The following CAMK2D variants were observed in gnomAD, a reference collection of about 807,000 sequenced individuals.
CAMK2D encodes calcium/calmodulin-dependent protein kinase type II subunit delta.
CAMK2D carries 37 observed loss-of-function variants against 84.0 expected under a neutral mutation model. That is an observed-to-expected ratio of 0.44 (90% CI 0.34 to 0.58). The LOEUF (loss-of-function observed/expected upper bound fraction) is 0.58. Ranked by LOEUF, CAMK2D falls within the 20% of genes least tolerant of loss-of-function variation. The pLI, the probability that CAMK2D is intolerant of heterozygous loss-of-function variation, is 0.02. For missense variants in CAMK2D, 448 were observed against 652.5 expected (o/e 0.69, Z 3.41); for synonymous variants, 202 against 212.5 (o/e 0.95, Z 0.43).
rs575125943 is a variant in CAMK2D, at chr4:113,451,459, C to T, written c.*3086G>A. 4 of 152,282 alleles carry T rather than the reference C, an allele frequency of 2.6e-5. No individual in the cohort carries two copies. In the East Asian group the frequency reaches 7.7e-4, roughly 29 times the overall value. The allele number at this position is 152,282 out of a possible 1,614,324, so 9.4% of individuals were successfully genotyped here. On this transcript the variant is annotated 3_prime_UTR_variant, in exon 21 of 21. Coordinates refer to ENST00000511664, the MANE Select transcript of CAMK2D (RefSeq NM_001321571.2). ...GTCACTCTGTACCCATTAATCCTCA[C>T]AATATCTTTATTAAGTTGGTATGTT...
intron 3 of CAMK2D, among the ~76,000 whole-genome samples, chr4:113,618,980 T>C (rs1199669420): frequency 1.3e-5 from 2 of 152,192 alleles, no homozygotes; most frequent in African/African-American, 4.8e-5. Context: ...TCAAGGAAGT[T>C]ATAATGAATG....
chr4:113,487,821 A>G (rs557464749), intron 16 of CAMK2D, among the ~76,000 whole-genome samples: 1 of 152,072 alleles, frequency 6.6e-6, no homozygotes, highest in South Asian at 2.1e-4. Flanking sequence ...TTAACATCTA[A>G]TTGTTTTATA....
chr4:113,526,137 C>A (rs1485185279), intron 8 of CAMK2D, among the ~76,000 whole-genome samples: 1 of 152,114 alleles, frequency 6.6e-6, no homozygotes, highest in East Asian at 1.9e-4. Flanking sequence ...GGAGTCATTT[C>A]CCCTCAACAT....
intron 4 of CAMK2D, among the ~76,000 whole-genome samples, chr4:113,584,843 G>A (rs1591554556): frequency 6.6e-6 from 1 of 152,060 alleles, no homozygotes; most frequent in Non-Finnish European, 1.5e-5. Context: ...TATTAATGAT[G>A]CCTATCTTTT....
At chr4:113,687,193 T>C (rs2099362511) in intron 2 of CAMK2D, among the ~76,000 whole-genome samples, 1 of 152,192 alleles carries the variant, frequency 6.6e-6, no homozygotes, top group Non-Finnish European at 1.5e-5. Flanking sequence ...TCAACAGTCC[T>C]CATGTTAGAT....
chr4:113,613,684 T>C (rs1399544329), intron 3 of CAMK2D, among the ~76,000 whole-genome samples: 1 of 152,106 alleles, frequency 6.6e-6, no homozygotes, highest in Non-Finnish European at 1.5e-5. Context: ...AAATTAAGAA[T>C]ATGAGAATTG....
At chr4:113,682,149 T>C (rs1270730989) in intron 2 of CAMK2D, among the ~76,000 whole-genome samples, 1 of 152,178 alleles carries the variant, frequency 6.6e-6, no homozygotes, top group East Asian at 1.9e-4. Flanking sequence ...AGATTACATA[T>C]GTTAAACTTT....
rs1348656006 is a variant in CAMK2D at position 113,651,297 on chromosome 4, T to C, written c.220+10416A>G. On this transcript the variant is annotated intron_variant, in intron 3 of 20. Transcript: ENST00000511664. ...CTCATTAGAGCTAGATATGATTTTG[T>C]TAAACTGATGTACTATAAATCAAAT... 2.0e-5 allele frequency among the ~76,000 whole-genome samples: 3 copies of C among 152,316 alleles called. No individual in the cohort carries two copies. In the East Asian group the frequency reaches 5.8e-4, roughly 29 times the overall value.
intron 16 of CAMK2D, among the ~76,000 whole-genome samples, chr4:113,484,662 T>C (rs2097747300): frequency 6.6e-6 from 1 of 152,236 alleles, no homozygotes; most frequent in South Asian, 2.1e-4. Flanking sequence ...AACTGACAAA[T>C]AACATGCTGT....
intron 2 of CAMK2D, among the ~76,000 whole-genome samples, chr4:113,705,479 T>C (rs904440556): frequency 6.6e-6 from 1 of 152,120 alleles, no homozygotes; most frequent in Non-Finnish European, 1.5e-5. Context: ...CCCAAAGGCC[T>C]TTGCATTTGC....
intron 3 of CAMK2D, among the ~76,000 whole-genome samples, chr4:113,659,058 A>T (rs2099215627): frequency 6.6e-6 from 1 of 152,172 alleles, no homozygotes; most frequent in South Asian, 2.1e-4. Context: ...CTCTTTTTAT[A>T]AGTTTAGTCT....
chr4:113,704,124 T>C (rs2154350231), intron 2 of CAMK2D, among the ~76,000 whole-genome samples: 2 of 152,186 alleles, frequency 1.3e-5, no homozygotes, highest in East Asian at 3.9e-4. Context: ...TTTCCCATAG[T>C]GTTTATCTGG....
At chr4:113,651,681 T>G (rs2099173257) in intron 3 of CAMK2D, among the ~76,000 whole-genome samples, 1 of 152,188 alleles carries the variant, frequency 6.6e-6, no homozygotes, top group African/African-American at 2.4e-5. Flanking sequence ...TAAAATGTTT[T>G]GTCATACATT....
At chr4:113,485,794 C>G (rs1465936818) in intron 16 of CAMK2D, among the ~76,000 whole-genome samples, 1 of 152,108 alleles carries the variant, frequency 6.6e-6, no homozygotes, top group East Asian at 1.9e-4. Flanking sequence ...TAACTAGCAC[C>G]TTCCCTCCTC....
intron 2 of CAMK2D, among the ~76,000 whole-genome samples, chr4:113,714,136 A>G (rs1403048308): frequency 6.6e-6 from 1 of 152,056 alleles, no homozygotes; most frequent in African/African-American, 2.4e-5. Context: ...CCCTGTGGAT[A>G]AACTAATTTA....
intron 6 of CAMK2D, among the ~76,000 whole-genome samples, chr4:113,539,315 A>G (rs2098514026): frequency 6.6e-6 from 1 of 152,226 alleles, no homozygotes; most frequent in Admixed American, 6.5e-5. Context: ...ATTTCTGTTA[A>G]TACACATCTG....
chr4:113,548,605 GAA>G, intron 5 of CAMK2D: 1 of 888,214 alleles, frequency 1.1e-6, no homozygotes, highest in Non-Finnish European at 1.8e-6. Context: ...CCTTTCCCCA[GAA>G]AAAAAAATAA....
At chr4:113,483,672 C>T (rs1391398129) in intron 16 of CAMK2D, among the ~76,000 whole-genome samples, 1 of 152,024 alleles carries the variant, frequency 6.6e-6, no homozygotes. Flanking sequence ...TCCCAAAGTG[C>T]TGGGATTATA....
intron 4 of CAMK2D, among the ~76,000 whole-genome samples, chr4:113,555,817 A>C (rs2098660736): frequency 6.6e-6 from 1 of 152,108 alleles, no homozygotes; most frequent in South Asian, 2.1e-4. Context: ...CCTAACTCCC[A>C]AAGTGCTGAT....
Sources: allele counts gnomAD v4.1 joint callset (sites outside exome capture counted in the v4.1 genomes callset), GRCh38; gene constraint gnomAD v4.1.1; transcripts MANE v1.5; gene names NCBI Gene and HGNC (gene_info 2026-07-23, HGNC 2026-07-21).